TNKS2: variants seen among roughly 807,000 people sequenced by gnomAD.
TNKS2 encodes the protein tankyrase 2.
Under a neutral mutation model 137.6 loss-of-function variants are expected in TNKS2, and 72 were observed. That is an observed-to-expected ratio of 0.52 (90% CI 0.43 to 0.64). The LOEUF is 0.64. TNKS2 is among the 30% of genes least tolerant of loss of function. TNKS2 has a pLI of 0.00. For synonymous variants in TNKS2, 516 were observed against 512.1 expected (o/e 1.01, Z -0.10); for missense variants, 1,049 against 1,410.2 (o/e 0.74, Z 4.10).
chr10:91,864,624 T>G lies in TNKS2; in HGVS notation c.*1625T>G, dbSNP rs1842933354. 1 of 152,650 alleles carries G rather than the reference T, an allele frequency of 6.6e-6. No individual in the cohort carries two copies. The highest frequency in any genetic ancestry group is 1.5e-5 in the Non-Finnish European group (1 of 68,030). The allele number at this position is 152,650 out of a possible 1,614,324, so 9.5% of individuals were successfully genotyped here. A position where few individuals can be genotyped will look rare whatever the true frequency, so the allele number is the denominator to read the frequency against. On this transcript the variant is annotated 3_prime_UTR_variant, in exon 27 of 27. Transcript: ENST00000371627. ...ATCAGAGTAAATGCATTTCTGGAGTTGTTTCTGTGATGTAAATTATGATCA... is the reference window on the plus strand; with the variant it reads ...ATCAGAGTAAATGCATTTCTGGAGTGGTTTCTGTGATGTAAATTATGATCA...
chr10:91,821,064 G>A (rs1207907416), intron 6 of TNKS2, among the ~76,000 whole-genome samples: 1 of 152,040 alleles, frequency 6.6e-6, no homozygotes, highest in Non-Finnish European at 1.5e-5. Context: ...TTTAGACGGA[G>A]TCTTGCTCTG....
chr10:91,837,915 G>A (rs911094482), intron 13 of TNKS2, among the ~76,000 whole-genome samples: 2 of 151,816 alleles, frequency 1.3e-5, no homozygotes, highest in Non-Finnish European at 2.9e-5. Context: ...ATAGGATATC[G>A]AAAGGAGGAT....
At chr10:91,813,352 C>A (rs1364991024) in intron 2 of TNKS2, 145 bp downstream of exon 2, 2 of 794,074 alleles carry the variant, frequency 2.5e-6, no homozygotes, top group Non-Finnish European at 3.9e-6. Flanking sequence ...CTACTATTTA[C>A]TGAGTGTCTT....
chr10:91,857,579 GT>G (rs1339318552), intron 24 of TNKS2, 49 bp downstream of exon 24: 8 of 1,267,272 alleles, frequency 6.3e-6, no homozygotes, highest in South Asian at 1.4e-5. Flanking sequence ...CATTAGGATA[GT>G]TTTTTTGTTC....
chr10:91,814,545 CACTCACTG>C (rs1426035966), intron 2 of TNKS2, among the ~76,000 whole-genome samples: 1 of 152,192 alleles, frequency 6.6e-6, no homozygotes, highest in Non-Finnish European at 1.5e-5. Flanking sequence ...ACTCATCACT[CACTCACTG>C]ACTCACTCAG....
chr10:91,838,036 ATTTTTTTTTTTTTT>A (rs71025367), intron 13 of TNKS2, among the ~76,000 whole-genome samples: 1 of 51,190 alleles, frequency 2.0e-5, no homozygotes. Context: ...CAATTAGCTG[ATTTTTTTTTTTTTT>A]TTTTTTTTTT....
At position 91,821,781 on chromosome 10, in the gene TNKS2, C is replaced by T. The variant is rs536852388; in HGVS notation, c.729-515C>T. 2.7e-4 allele frequency among the ~76,000 whole-genome samples: 41 copies of T among 152,188 alleles called. 1 individual carries two copies. In the South Asian group the frequency reaches 8.1e-3, roughly 30 times the overall value. ...AACAAAGGAGGGAGGGAAATCTATACCCAGGGAACAGTATGTGTAGAGGCA... is the reference window on the plus strand; with the variant it reads ...AACAAAGGAGGGAGGGAAATCTATATCCAGGGAACAGTATGTGTAGAGGCA... On this transcript the variant is annotated intron_variant, in intron 6 of 26. Coordinates refer to ENST00000371627, the MANE Select transcript of TNKS2 (RefSeq NM_025235.4).
chr10:91,798,680 C>G lies in TNKS2; in HGVS notation c.-11C>G. ...CTGGCGCTGTTGCTGGCTGTGGCGGCGGCCAGGATCATGTCGGGTCGCCGC... is the reference window on the plus strand; with the variant it reads ...CTGGCGCTGTTGCTGGCTGTGGCGGGGGCCAGGATCATGTCGGGTCGCCGC... On this transcript the variant is annotated 5_prime_UTR_variant, in exon 1 of 27. Transcript: ENST00000371627. The G allele has an allele frequency of 2.4e-6, 3 of 1,225,060 alleles. No homozygotes were observed. Among genetic ancestry groups the G allele is most frequent in the Non-Finnish European group, 3.1e-6 (3 of 980,954 alleles). 75.9% of individuals were successfully genotyped at this position (1,225,060 alleles called of 1,614,324 possible).
At chr10:91,850,822 G>T (rs1842519638) in intron 20 of TNKS2, among the ~76,000 whole-genome samples, 3 of 152,228 alleles carry the variant, frequency 2.0e-5, no homozygotes, top group Admixed American at 2.0e-4. Context: ...GGATTTTAAA[G>T]AATGGCTTCA....
chr10:91,826,522 T>G (rs1013193171), intron 7 of TNKS2, among the ~76,000 whole-genome samples: 1 of 152,232 alleles, frequency 6.6e-6, no homozygotes. Context: ...GTTAGAAATT[T>G]ATATTCTTCT....
chr10:91,819,057 CT>C (rs901236615), intron 3 of TNKS2, among the ~76,000 whole-genome samples: 7 of 150,944 alleles, frequency 4.6e-5, no homozygotes, highest in African/African-American at 4.9e-5. Flanking sequence ...AAAATAGAAT[CT>C]TTTTTTTTAA....
rs1032210554 is a variant in TNKS2, at chr10:91,798,453, C to T, written c.-238C>T. 2.8e-5 allele frequency: 9 copies of T among 319,170 alleles called. No individual in the cohort carries two copies. Among genetic ancestry groups the T allele is most frequent in the South Asian group, 1.5e-4 (1 of 6,482 alleles). The allele number at this position is 319,170 out of a possible 1,614,324, so 19.8% of individuals were successfully genotyped here. ...CTTCCGCCGCCGCGTCGTTTCAGGA[C>T]CCGGACGGCGGATTCGCGCTGCCTC... is the stretch of plus-strand genomic sequence containing the variant. On this transcript the variant is annotated 5_prime_UTR_variant, in exon 1 of 27. Transcript: ENST00000371627.
chr10:91,853,277 C>G (rs937833582), intron 21 of TNKS2, among the ~76,000 whole-genome samples: 1 of 152,220 alleles, frequency 6.6e-6, no homozygotes, highest in Non-Finnish European at 1.5e-5. Flanking sequence ...CATGCCACCT[C>G]TGGTCCTGTA....
intron 7 of TNKS2, among the ~76,000 whole-genome samples, chr10:91,823,764 C>CA (rs1844982441): frequency 6.6e-6 from 1 of 152,156 alleles, no homozygotes; most frequent in African/African-American, 2.4e-5. Flanking sequence ...CACTTTTCCC[C>CA]ACTTTCAGCA....
Position 91,837,580 on chromosome 10 carries a change from G to A in TNKS2, c.1527+582G>A, listed in dbSNP as rs1450482164. On this transcript the variant is annotated intron_variant, in intron 13 of 26. Transcript: ENST00000371627. ...TGTAGAAATATGTATGTAAAACTGGGCCCAGTGGCTCACACCTGTCGGTAA... is the reference window on the plus strand; with the variant it reads ...TGTAGAAATATGTATGTAAAACTGGACCCAGTGGCTCACACCTGTCGGTAA... 2.0e-5 allele frequency among the ~76,000 whole-genome samples: 3 copies of A among 152,286 alleles called. No homozygotes were observed. The East Asian group carries it at 5.8e-4, about 29-fold the overall frequency.
intron 21 of TNKS2, among the ~76,000 whole-genome samples, chr10:91,853,459 A>C (rs951926234): frequency 6.6e-6 from 1 of 152,000 alleles, no homozygotes; most frequent in Admixed American, 6.6e-5. Flanking sequence ...TTTTCCCCCA[A>C]CCTGATGTTA....
rs763580250 is a variant in TNKS2, at chr10:91,798,909, C to G, written c.199+20C>G. On this transcript the variant is annotated intron_variant, in intron 1 of 26. Coordinates refer to ENST00000371627, the MANE Select transcript of TNKS2 (RefSeq NM_025235.4). Reference sequence around the variant, plus strand: ...CCGCAGGTAACCGGGGCCAGCGTCCCCTCGCCTCGCTCCAGACCCCACCTG... The same window carrying G: ...CCGCAGGTAACCGGGGCCAGCGTCCGCTCGCCTCGCTCCAGACCCCACCTG... 7.3e-7 allele frequency: 1 copy of G among 1,375,664 alleles called. No homozygotes were observed. The highest frequency in any genetic ancestry group is 9.5e-7 in the Non-Finnish European group (1 of 1,055,846). The allele number at this position is 1,375,664 out of a possible 1,614,324, so 85.2% of individuals were successfully genotyped here.
At chr10:91,839,850 T>TG (rs993464621) in intron 13 of TNKS2, among the ~76,000 whole-genome samples, 2 of 152,224 alleles carry the variant, frequency 1.3e-5, no homozygotes, top group African/African-American at 4.8e-5. Flanking sequence ...ACTCAGTAGA[T>TG]AGAGATCTGA....
intron 4 of TNKS2, 61 bp downstream of exon 4, chr10:91,819,367 T>A: frequency 7.0e-7 from 1 of 1,431,852 alleles, no homozygotes; most frequent in Non-Finnish European, 9.3e-7. Context: ...TTTCTTTTTT[T>A]TTTTTTTTAC....
Sources: gnomAD v4.1 joint callset for allele counts (sites outside exome capture counted in the v4.1 genomes callset) on GRCh38, gnomAD v4.1.1 for gene constraint, MANE v1.5 for transcripts, NCBI Gene and HGNC (gene_info 2026-07-23, HGNC 2026-07-21) for gene names.